ARHGEF11: variants seen among roughly 807,000 people sequenced by gnomAD.
ARHGEF11 encodes Rho guanine exchange factor (GEF) 11.
In ARHGEF11, 55 loss-of-function variants were observed where a neutral mutation model predicts 193.7. That is an observed-to-expected ratio of 0.28 (90% CI 0.23 to 0.36). ARHGEF11 has a LOEUF of 0.36. ARHGEF11 is among the 10% of genes least tolerant of loss of function. ARHGEF11 has a pLI of 1.00. For synonymous variants in ARHGEF11, 693 were observed against 768.0 expected (o/e 0.90, Z 1.62); for missense variants, 1,723 against 2,005.6 (o/e 0.86, Z 2.69).
intron 1 of ARHGEF11, among the ~76,000 whole-genome samples, chr1:157,014,737 AG>A (rs1668991986): frequency 6.6e-6 from 1 of 152,272 alleles, no homozygotes; most frequent in Non-Finnish European, 1.5e-5. Flanking sequence ...GATTACCAAC[AG>A]CCCCTCAACT....
Position 156,986,137 on chromosome 1 carries a change from T to G in ARHGEF11, c.69A>C (p.Pro23=). 2 of 1,613,984 alleles carry G rather than the reference T, an allele frequency of 1.2e-6. No individual in the cohort carries two copies. Among genetic ancestry groups the G allele is most frequent in the Non-Finnish European group, 1.7e-6 (2 of 1,179,914 alleles). The change falls in exon 2 of 41, where the codon CCA becomes CCC. Residue 23 remains proline (P), a synonymous_variant. Transcript: ENST00000368194. ...SSLSSLGDSA[P]ERKSPSHHRQ... is the part of the protein sequence containing the mutation. ...GATGGTGGGAAGGGGACTTGCGCTCTGGTGCAGAATCTCCCAGAGAAGACA... is the reference window on the plus strand; with the variant it reads ...GATGGTGGGAAGGGGACTTGCGCTCGGGTGCAGAATCTCCCAGAGAAGACA...
At chr1:156,950,056 T>G (rs762338357) in intron 22 of ARHGEF11, among the ~76,000 whole-genome samples, 1 of 152,206 alleles carries the variant, frequency 6.6e-6, no homozygotes, top group African/African-American at 2.4e-5. Flanking sequence ...CTCAAATATT[T>G]TCTCAAAATG....
chr1:156,940,232 C>A lies in ARHGEF11; in HGVS notation c.3708G>T (p.Gly1236=). ...LAFPGPLFME[G]LADSALEDVE... ...CATCTTCCAGAGCGGAGTCAGCGAG[C>A]CCTTCCATGAACAGAGGGCCTGGGA... is the stretch of plus-strand genomic sequence containing the variant. Residue 1236 remains glycine (G), a synonymous_variant, in exon 36 of 41, where the codon GGG becomes GGT. Coordinates refer to ENST00000368194, the MANE Select transcript of ARHGEF11 (RefSeq NM_198236.3). The A allele has an allele frequency of 1.3e-6, 2 of 1,595,664 alleles. No homozygotes were observed. Among genetic ancestry groups the A allele is most frequent in the Non-Finnish European group, 1.7e-6 (2 of 1,168,012 alleles).
chr1:156,937,455 A>T lies in ARHGEF11; in HGVS notation c.4234T>A (p.Ser1412Thr), dbSNP rs138935998. Residue 1412 changes from serine to threonine, a missense_variant, in exon 39 of 41, where the codon TCA (serine) becomes ACA (threonine). Coordinates refer to ENST00000368194, the MANE Select transcript of ARHGEF11 (RefSeq NM_198236.3). Reference sequence around the variant, plus strand: ...GGTGCCTCTGAGTGGTCGGTGCTTGAGTCCGGGGGTCCTGATGGCATGCTG... The same window carrying T: ...GGTGCCTCTGAGTGGTCGGTGCTTGTGTCCGGGGGTCCTGATGGCATGCTG... Reference protein sequence around the residue: ...YVSMPSGPPDSSTDHSEAPMS... With the variant: ...YVSMPSGPPDTSTDHSEAPMS... The T allele has an allele frequency of 3.9e-6, 6 of 1,546,976 alleles. No homozygotes were observed. In the East Asian group the frequency reaches 1.1e-4, roughly 29 times the overall value.
chr1:156,938,276 C>A, intron 38 of ARHGEF11, 142 bp downstream of exon 38: 1 of 716,052 alleles, frequency 1.4e-6, no homozygotes. Flanking sequence ...GTCTTTAGAG[C>A]CAGATCTTCC....
intron 1 of ARHGEF11, among the ~76,000 whole-genome samples, chr1:157,040,135 G>A (rs921379363): frequency 6.6e-6 from 1 of 152,102 alleles, no homozygotes; most frequent in African/African-American, 2.4e-5. Context: ...TCTCATAATG[G>A]TGATTAATTG....
intron 20 of ARHGEF11, among the ~76,000 whole-genome samples, 170 bp from the exon 21 acceptor site, chr1:156,955,091 G>A (rs550723001): frequency 6.6e-6 from 1 of 152,282 alleles, no homozygotes; most frequent in African/African-American, 2.4e-5. Flanking sequence ...TTTCAGAAAG[G>A]GAGGCCAGCC....
At chr1:157,035,801 TACAGGA>T (rs1390151428) in intron 1 of ARHGEF11, among the ~76,000 whole-genome samples, 6 of 119,384 alleles carry the variant, frequency 5.0e-5, no homozygotes, top group Non-Finnish European at 6.7e-5. Context: ...GGAATATATA[TACAGGA>T]ATATATATAT....
At chr1:156,989,779 A>G (rs200429317) in intron 1 of ARHGEF11, among the ~76,000 whole-genome samples, 1 of 152,240 alleles carries the variant, frequency 6.6e-6, no homozygotes, top group East Asian at 1.9e-4. Context: ...GTCAAACTAC[A>G]TTAACATTGA....
rs762137591 is a variant in ARHGEF11, at chr1:156,940,204, C to T, written c.3733+3G>A. 1.9e-6 allele frequency: 3 copies of T among 1,571,414 alleles called. No individual in the cohort carries two copies. The highest frequency in any genetic ancestry group is 2.4e-5 in the South Asian group (2 of 84,010). On this transcript the variant is annotated splice_donor_region_variant and intron_variant, in intron 36 of 40. Coordinates refer to ENST00000368194, the MANE Select transcript of ARHGEF11 (RefSeq NM_198236.3). ...GCTGACGGCAGGGCCTTGAAGCACT[C>T]ACCATCTTCCAGAGCGGAGTCAGCG...
rs777248651 is a variant in ARHGEF11 at position 156,946,647 on chromosome 1, T to C, written c.2694+15A>G. On this transcript the variant is annotated intron_variant, in intron 28 of 40. Transcript: ENST00000368194. The stretch of plus-strand genomic sequence containing the variant: ...ATGGAGATGAAGGAAGGCCAAGGCA[T>C]GGCCAAGGACGCACCTGCATGAAGA... The C allele has an allele frequency of 6.2e-7, 1 of 1,612,476 alleles. No homozygotes were observed. Among genetic ancestry groups the C allele is most frequent in the Non-Finnish European group, 8.5e-7 (1 of 1,179,176 alleles).
chr1:156,966,143 C>T (rs1296210425), intron 11 of ARHGEF11, among the ~76,000 whole-genome samples: 1 of 152,194 alleles, frequency 6.6e-6, no homozygotes, highest in Non-Finnish European at 1.5e-5. Flanking sequence ...CCAAAGAGAG[C>T]TCAGTGAGTA....
chr1:157,004,992 T>C (rs375161474), intron 1 of ARHGEF11, among the ~76,000 whole-genome samples: 2 of 152,372 alleles, frequency 1.3e-5, no homozygotes, highest in South Asian at 2.1e-4. Flanking sequence ...AGAGAGGTCC[T>C]GCAGAAAATC....
intron 1 of ARHGEF11, among the ~76,000 whole-genome samples, chr1:157,016,616 T>A (rs1669265586): frequency 6.6e-6 from 1 of 152,210 alleles, no homozygotes; most frequent in Admixed American, 6.5e-5. Context: ...ACTGTATTTT[T>A]AAGCGTTTTC....
Position 156,971,752 on chromosome 1 carries a change from C to A in ARHGEF11, c.647G>T (p.Arg216Leu), listed in dbSNP as rs933775754. ...CAGCTGTAACTGAGTGACTCGCCGC[C>A]GGGCACCTTCGATCTGCTCTTCCAG... Reference protein sequence around the residue: ...SLLEEQIEGARRRVTQLQLKI... With the variant: ...SLLEEQIEGALRRVTQLQLKI... The change falls in exon 8 of 41, where the codon CGG (arginine) becomes CTG (leucine). Residue 216 changes from arginine (R) to leucine (L), a missense_variant. This residue lies in a region of ARHGEF11 where 646 missense variants were observed against 710.7 expected (regional missense o/e 0.91). Transcript: ENST00000368194. The A allele has an allele frequency of 6.2e-7, 1 of 1,613,966 alleles. No homozygotes were observed. Among genetic ancestry groups the A allele is most frequent in the Admixed American group, 1.7e-5 (1 of 60,028 alleles).
At chr1:156,971,668 C>T (rs2102310727) in intron 8 of ARHGEF11, 29 bp downstream of exon 8, 1 of 1,605,150 alleles carries the variant, frequency 6.2e-7, no homozygotes, top group Non-Finnish European at 8.5e-7. Context: ...TGCATGTGCC[C>T]TTACTAGAGC....
At chr1:157,013,299 A>ACACC (rs534893600) in intron 1 of ARHGEF11, among the ~76,000 whole-genome samples, 4,757 of 148,718 alleles carry the variant, frequency 0.032, 156 homozygotes, top group East Asian at 0.11. Context: ...ACACACACAC[A>ACACC]CCAAGAACCT....
rs753217968 is a variant in ARHGEF11, at chr1:156,957,701, C to A, written c.1526+91G>T. 1.8e-5 allele frequency: 24 copies of A among 1,369,578 alleles called. No homozygotes were observed. In the Admixed American group the frequency reaches 4.0e-4, roughly 23 times the overall value. The allele number at this position is 1,369,578 out of a possible 1,614,324, so 84.8% of individuals were successfully genotyped here. Reference sequence around the variant, plus strand: ...TCATGGTTGTACAACATGAGGGACTCCCCTGTGATTGTCAGAAATGGAAAG... The same window carrying A: ...TCATGGTTGTACAACATGAGGGACTACCCTGTGATTGTCAGAAATGGAAAG... On this transcript the variant is annotated intron_variant, in intron 18 of 40. Transcript: ENST00000368194.
rs1258276688 is a variant in ARHGEF11 at position 156,945,030 on chromosome 1, C to T, written c.2980G>A (p.Ala994Thr). The change falls in exon 30 of 41, where the codon GCA becomes ACA. Residue 994 changes from alanine (A) to threonine (T), a missense_variant. This residue lies in a region of ARHGEF11 where 491 missense variants were observed against 654.5 expected (regional missense o/e 0.75). Transcript: ENST00000368194. ...CCTCTGCCTCCTACCTTGAACTCTG[C>T]TGCCAGGGGGTTGCTGGCCCTCTCC... Reference protein sequence around the residue: ...ALERASNPLAAEFKSLDLTTR... With the variant: ...ALERASNPLATEFKSLDLTTR... The T allele has an allele frequency of 1.2e-6, 2 of 1,613,622 alleles. No individual in the cohort carries two copies. Among genetic ancestry groups the T allele is most frequent in the East Asian group, 2.2e-5 (1 of 44,900 alleles).
Sources: gnomAD v4.1 joint callset for allele counts (sites outside exome capture counted in the v4.1 genomes callset) on GRCh38, gnomAD v4.1.1 for gene constraint, gnomAD v4.1.1 regional missense constraint, MANE v1.5 for transcripts, NCBI Gene and HGNC (gene_info 2026-07-23, HGNC 2026-07-21) for gene names.